The following LAT variants were observed in gnomAD, a reference collection of about 807,000 sequenced individuals.
LAT encodes the protein linker for activation of T-cells family member 1.
Under a neutral mutation model 39.1 loss-of-function variants are expected in LAT, and 12 were observed. The observed-to-expected ratio is 0.31, with a 90% CI of 0.20 to 0.50. The LOEUF is 0.50. Among genes scored for constraint, LAT ranks in the 20% least tolerant of loss-of-function variants. The pLI is 0.98. For synonymous variants in LAT, 117 were observed against 123.8 expected (o/e 0.95, Z 0.36); for missense variants, 253 against 308.0 (o/e 0.82, Z 1.34).
At position 28,985,438 on chromosome 16, in the gene LAT, C is replaced by T. The variant is rs779409087; in HGVS notation, c.21C>T (p.Val7=). MEEAIL[V]PCVLGLLLLP... ...TGCAGATGGAGGAGGCCATCCTGGT[C>T]CCCTGCGTGCTGGGGCTCCTGCTGC... Residue 7 remains valine (V), a synonymous_variant, in exon 1 of 12, where the codon GTC becomes GTT. Transcript: ENST00000395456. This position sits in a 1 kb window ranked among gnomAD's most constrained non-coding sequence, Gnocchi z 4.6. 3 of 1,613,752 alleles carry T rather than the reference C, an allele frequency of 1.9e-6. No homozygotes were observed. The highest frequency in any genetic ancestry group is 1.3e-5 in the African/African-American group (1 of 75,028).
In LAT at chr16:28,986,678, A is replaced by G; in HGVS notation, c.362A>G (p.Asp121Gly). ...ENEEPACEDA[D>G]EDEDDYHNPG... ...CCAGAACCAGCCTGTGAGGATGCGG[A>G]TGAGGATGAGGACGACTATCACAAC... Residue 121 changes from aspartate to glycine, a missense_variant, in exon 7 of 12, where the codon GAT (aspartate) becomes GGT (glycine). Coordinates refer to ENST00000395456, the MANE Select transcript of LAT (RefSeq NM_001014987.2). The surrounding 1 kb of genome is among the most constrained non-coding windows in gnomAD (Gnocchi z 5.7). The G allele has an allele frequency of 6.2e-7, 1 of 1,613,774 alleles. No homozygotes were observed. Among genetic ancestry groups the G allele is most frequent in the South Asian group, 1.1e-5 (1 of 90,974 alleles).
chr16:28,989,517 T>G lies in LAT; in HGVS notation c.494-10T>G. 6.2e-7 allele frequency: 1 copy of G among 1,600,610 alleles called. No individual in the cohort carries two copies. The highest frequency in any genetic ancestry group is 1.3e-5 in the African/African-American group (1 of 74,738). On this transcript the variant is annotated splice_polypyrimidine_tract_variant and intron_variant, in intron 8 of 11. Coordinates refer to ENST00000395456, the MANE Select transcript of LAT (RefSeq NM_001014987.2). ...GTCACAGTGCCGAGGTGGGCCTGGCTTTTCCACAGTGGAGTCCATTGATGA... is the reference window on the plus strand; with the variant it reads ...GTCACAGTGCCGAGGTGGGCCTGGCGTTTCCACAGTGGAGTCCATTGATGA...
chr16:28,990,054 G>A (rs780249785), intron 11 of LAT, 35 bp downstream of exon 11: 13 of 1,557,908 alleles, frequency 8.3e-6, no homozygotes, highest in Non-Finnish European at 1.1e-5. Context: ...CCTGCCCTGG[G>A]CCCACAGGCT....
In LAT at chr16:28,989,546, C is replaced by T. The variant is rs147113499; in HGVS notation, c.513C>T (p.Tyr171=). The part of the protein sequence containing the change: ...SAFSMESIDD[Y]VNVPESGESA... ...CCACAGTGGAGTCCATTGATGATTA[C>T]GTGAACGTTCCGGAGAGCGGGGAGA... is the stretch of plus-strand genomic sequence containing the variant. Residue 171 remains tyrosine, a synonymous_variant, in exon 9 of 12, where the codon TAC becomes TAT. Coordinates refer to ENST00000395456, the MANE Select transcript of LAT (RefSeq NM_001014987.2). 6.2e-4 allele frequency: 995 copies of T among 1,610,824 alleles called. 1 individual carries two copies. The highest frequency in any genetic ancestry group is 2.2e-3 in the Admixed American group (134 of 59,652).
In LAT at chr16:28,986,959, T is replaced by C; in HGVS notation, c.493+66T>C. The stretch of plus-strand genomic sequence containing the variant: ...GATAGGCTGGAGTGCAGTGGTGCCA[T>C]TGTAGCTCGCTGCAGCCTTGAACTC... On this transcript the variant is annotated intron_variant, in intron 8 of 11. Coordinates refer to ENST00000395456, the MANE Select transcript of LAT (RefSeq NM_001014987.2). This position sits in a 1 kb window ranked among gnomAD's most constrained non-coding sequence, Gnocchi z 5.7. The C allele has an allele frequency of 1.5e-6, 2 of 1,334,858 alleles. No individual in the cohort carries two copies. Among genetic ancestry groups the C allele is most frequent in the East Asian group, 4.9e-5 (2 of 41,052 alleles). The allele number at this position is 1,334,858 out of a possible 1,614,324, so 82.7% of individuals were successfully genotyped here. A position where few individuals can be genotyped will look rare whatever the true frequency, so the allele number is the denominator to read the frequency against.
Position 28,989,988 on chromosome 16 carries a change from C to T in LAT, c.678C>T (p.Tyr226=), listed in dbSNP as rs776070937. 11 of 1,613,530 alleles carry T rather than the reference C, an allele frequency of 6.8e-6. No homozygotes were observed. Among genetic ancestry groups the T allele is most frequent in the Admixed American group, 1.7e-5 (1 of 59,984 alleles). Residue 226 remains tyrosine (Y), a synonymous_variant, in exon 11 of 12, where the codon TAC becomes TAT. Coordinates refer to ENST00000395456, the MANE Select transcript of LAT (RefSeq NM_001014987.2). The part of the protein sequence containing the change: ...EEVEEEGAPD[Y]ENLQELN ...TGGAGGAAGAGGGGGCTCCAGATTA[C>T]GAGAATCTGCAGGAGCTGAACTGAG...
chr16:28,984,820 C>CT, upstream of LAT: 1 of 1,541,794 alleles, frequency 6.5e-7, no homozygotes, highest in Non-Finnish European at 8.8e-7. Context: ...AGAATTCCCA[C>CT]TGTCAGGGCC....
At position 28,986,586 on chromosome 16, in the gene LAT, A is replaced by C; in HGVS notation, c.340+17A>C. ...AGAACGAGGGTGCGTCTGGGATCCGAGGTGCCCAGGCTGGGTGGGGAGTCT... is the reference window on the plus strand; with the variant it reads ...AGAACGAGGGTGCGTCTGGGATCCGCGGTGCCCAGGCTGGGTGGGGAGTCT... On this transcript the variant is annotated intron_variant, in intron 6 of 11. Coordinates refer to ENST00000395456, the MANE Select transcript of LAT (RefSeq NM_001014987.2). The surrounding 1 kb of genome is among the most constrained non-coding windows in gnomAD (Gnocchi z 5.7). 6.2e-7 allele frequency: 1 copy of C among 1,613,472 alleles called. No individual in the cohort carries two copies. The highest frequency in any genetic ancestry group is 2.2e-5 in the East Asian group (1 of 44,842).
Position 28,985,322 on chromosome 16 carries a change from C to G in LAT, c.-96C>G. The G allele has an allele frequency of 6.4e-7, 1 of 1,557,636 alleles. No homozygotes were observed. The highest frequency in any genetic ancestry group is 8.7e-7 in the Non-Finnish European group (1 of 1,150,260). On this transcript the variant is annotated 5_prime_UTR_variant, in exon 1 of 12. Transcript: ENST00000395456. This position sits in a 1 kb window ranked among gnomAD's most constrained non-coding sequence, Gnocchi z 4.6. ...CTGGTGCCTACCTGCCCCCTGCTCCCTGCCGGGTCCGGTCCTCACCCCATC... is the reference window on the plus strand; with the variant it reads ...CTGGTGCCTACCTGCCCCCTGCTCCGTGCCGGGTCCGGTCCTCACCCCATC...
rs1204570146 is a variant in LAT, at chr16:28,989,771, C to T, written c.557-3C>T. The T allele has an allele frequency of 1.2e-6, 2 of 1,613,996 alleles. No homozygotes were observed. The highest frequency in any genetic ancestry group is 8.5e-7 in the Non-Finnish European group (1 of 1,180,032). ...TGCCCCTCCTTCTGATCTGTCCCCA[C>T]AGATGGCAGCCGGGAGTATGTGAAT... is the stretch of plus-strand genomic sequence containing the variant. On this transcript the variant is annotated splice_polypyrimidine_tract_variant and splice_region_variant and intron_variant, in intron 9 of 11. Transcript: ENST00000395456.
chr16:28,987,383 G>A (rs1408668294), intron 8 of LAT, among the ~76,000 whole-genome samples: 1 of 151,992 alleles, frequency 6.6e-6, no homozygotes, highest in Non-Finnish European at 1.5e-5. Flanking sequence ...ATAGCCTCCT[G>A]TTCTTGTTTC....
chr16:28,986,456 G>A lies in LAT; in HGVS notation c.310+10G>A. 6.2e-7 allele frequency: 1 copy of A among 1,613,938 alleles called. No homozygotes were observed. Among genetic ancestry groups the A allele is most frequent in the Admixed American group, 1.7e-5 (1 of 60,002 alleles). ...CGGGATTCTGATGGTGGTAAGTGTG[G>A]GGAAGGGTTCAGGCGGCGGGGGCTG... is the stretch of plus-strand genomic sequence containing the variant. On this transcript the variant is annotated intron_variant, in intron 5 of 11. Coordinates refer to ENST00000395456, the MANE Select transcript of LAT (RefSeq NM_001014987.2). The surrounding 1 kb of genome is among the most constrained non-coding windows in gnomAD (Gnocchi z 5.7).
Position 28,987,280 on chromosome 16 carries a change from G to A in LAT, c.493+387G>A, listed in dbSNP as rs147527167. 2.1e-4 allele frequency among the ~76,000 whole-genome samples: 32 copies of A among 152,154 alleles called. 1 individual carries two copies. In the East Asian group the frequency reaches 6.0e-3, roughly 28 times the overall value. ...CTGTGTCCTTTCCTTTATCATCTGG[G>A]AGATTTCCTTGTCTGTATTCTTCAA... On this transcript the variant is annotated intron_variant, in intron 8 of 11. Transcript: ENST00000395456.
chr16:28,989,372 C>T, intron 8 of LAT, 155 bp from the exon 9 acceptor site: 2 of 651,468 alleles, frequency 3.1e-6, no homozygotes, highest in Non-Finnish European at 2.7e-6. Flanking sequence ...GGAGTCCCCT[C>T]TCTTCATTCT....
chr16:28,985,150 G>A lies in LAT; in HGVS notation c.-268G>A, dbSNP rs969123732. On this transcript the variant is annotated 5_prime_UTR_variant, in exon 1 of 12. Transcript: ENST00000395456. The surrounding 1 kb of genome is among the most constrained non-coding windows in gnomAD (Gnocchi z 4.6). ...GGACGCAGGGGTAACTGGATCCCCC[G>A]ACTTCAGCCCAGGCCCTGGTCTGAC... The A allele has an allele frequency of 4.2e-6, 6 of 1,426,020 alleles. No individual in the cohort carries two copies. Among genetic ancestry groups the A allele is most frequent in the East Asian group, 2.6e-5 (1 of 39,042 alleles). 88.3% of individuals were successfully genotyped at this position (1,426,020 alleles called of 1,614,324 possible).
chr16:28,985,453 G>A lies in LAT; in HGVS notation c.36G>A (p.Gly12=), dbSNP rs539448014. The A allele has an allele frequency of 5.0e-6, 8 of 1,613,754 alleles. No individual in the cohort carries two copies. The East Asian group carries it at 8.9e-5, about 18-fold the overall frequency. The change falls in exon 1 of 12, where the codon GGG becomes GGA. Residue 12 remains glycine, a synonymous_variant. Transcript: ENST00000395456. The surrounding 1 kb of genome is among the most constrained non-coding windows in gnomAD (Gnocchi z 4.6). The part of the protein sequence containing the change: ...EEAILVPCVL[G]LLLLPILAML... Reference sequence around the variant, plus strand: ...CCATCCTGGTCCCCTGCGTGCTGGGGCTCCTGCTGCTGCCCATCCTGGCCA... The same window carrying A: ...CCATCCTGGTCCCCTGCGTGCTGGGACTCCTGCTGCTGCCCATCCTGGCCA...
In LAT at chr16:28,986,287, T is replaced by C. The variant is rs890236186; in HGVS notation, c.245+71T>C. ...CCCTCCAAACTCCACTCTCTACCCC[T>C]TCACTTTTTTGGATTGGGGGCCCCT... On this transcript the variant is annotated intron_variant, in intron 4 of 11. Transcript: ENST00000395456. The surrounding 1 kb of genome is among the most constrained non-coding windows in gnomAD (Gnocchi z 5.7). 11 of 1,559,676 alleles carry C rather than the reference T, an allele frequency of 7.1e-6. No individual in the cohort carries two copies. Among genetic ancestry groups the C allele is most frequent in the Non-Finnish European group, 9.7e-6 (11 of 1,137,952 alleles).
At position 28,985,128 on chromosome 16, in the gene LAT, CG is replaced by C; in HGVS notation, c.-289del. The C allele has an allele frequency of 1.4e-6, 2 of 1,427,812 alleles. No homozygotes were observed. The highest frequency in any genetic ancestry group is 1.8e-6 in the Non-Finnish European group (2 of 1,096,058). The allele number at this position is 1,427,812 out of a possible 1,614,324, so 88.4% of individuals were successfully genotyped here. ...CGAGGAGGGGCAGGTAGGGCTGGGA[CG>C]CAGGGGTAACTGGATCCCCCGACTT... is the stretch of plus-strand genomic sequence containing the variant. On this transcript the variant is annotated 5_prime_UTR_variant, in exon 1 of 12. Coordinates refer to ENST00000395456, the MANE Select transcript of LAT (RefSeq NM_001014987.2). The surrounding 1 kb of genome is among the most constrained non-coding windows in gnomAD (Gnocchi z 4.6).
At position 28,985,187 on chromosome 16, in the gene LAT, C is replaced by G; in HGVS notation, c.-231C>G. On this transcript the variant is annotated 5_prime_UTR_variant, in exon 1 of 12. Transcript: ENST00000395456. This position sits in a 1 kb window ranked among gnomAD's most constrained non-coding sequence, Gnocchi z 4.6. ...GGCCCTGGTCTGACCACCCTGGGAG[C>G]AGGGACTTTCCACAGTCAGCTGGAC... 1 of 1,429,894 alleles carries G rather than the reference C, an allele frequency of 7.0e-7. No individual in the cohort carries two copies. The highest frequency in any genetic ancestry group is 9.1e-7 in the Non-Finnish European group (1 of 1,096,478). 88.6% of individuals were successfully genotyped at this position (1,429,894 alleles called of 1,614,324 possible). A position where few individuals can be genotyped will look rare whatever the true frequency, so the allele number is the denominator to read the frequency against.
Sources: allele counts gnomAD v4.1 joint callset (sites outside exome capture counted in the v4.1 genomes callset), GRCh38; gene constraint gnomAD v4.1.1; non-coding constraint Gnocchi (gnomAD v3.1); transcripts MANE v1.5; gene names NCBI Gene and HGNC (gene_info 2026-07-23, HGNC 2026-07-21).